TEKT5: variants seen among roughly 807,000 people sequenced by gnomAD.
The protein encoded by TEKT5 is tektin-5.
A neutral mutation model predicts 48.7 loss-of-function variants in TEKT5; 52 were observed. That is an observed-to-expected ratio of 1.07 (90% CI 0.86 to 1.35). The LOEUF (loss-of-function observed/expected upper bound fraction) is 1.35, where lower values mean the gene tolerates loss of function less well. Among genes scored for constraint, TEKT5 ranks in the 40% most tolerant of loss-of-function variants. TEKT5 has a pLI of 0.00. For synonymous variants in TEKT5, 318 were observed against 267.6 expected (o/e 1.19, Z -1.84); for missense variants, 831 against 641.6 (o/e 1.30, Z -3.19).
At position 10,682,067 on chromosome 16, in the gene TEKT5, A is replaced by G. The variant is rs1898764096; in HGVS notation, c.789T>C (p.Asp263=). ...LEDKSSAQCI[D]EKCFNLRNTS... ...TATTTCTCAGGTTAAAGCACTTCTC[A>G]TCGATACACTGGGCCGAGCTTTTGT... Residue 263 remains aspartate, a synonymous_variant, in exon 4 of 7, where the codon GAT becomes GAC. Coordinates refer to ENST00000283025, the MANE Select transcript of TEKT5 (RefSeq NM_144674.2). 1.2e-6 allele frequency: 2 copies of G among 1,614,046 alleles called. No individual in the cohort carries two copies. Among genetic ancestry groups the G allele is most frequent in the Non-Finnish European group, 8.5e-7 (1 of 1,180,028 alleles).
intron 5 of TEKT5, among the ~76,000 whole-genome samples, chr16:10,656,311 G>C (rs756400387): frequency 3.3e-5 from 5 of 152,162 alleles, no homozygotes; most frequent in African/African-American, 4.8e-5. Flanking sequence ...GAATGCAGTG[G>C]CGTGATGTCA....
chr16:10,640,010 TCC>T (rs1897968029), intron 5 of TEKT5, among the ~76,000 whole-genome samples: 1 of 151,938 alleles, frequency 6.6e-6, no homozygotes, highest in Admixed American at 6.6e-5. Flanking sequence ...CTCTTCCTCC[TCC>T]TCAGTCTTTC....
At chr16:10,644,457 C>A (rs1165407067) in intron 5 of TEKT5, among the ~76,000 whole-genome samples, 1 of 152,204 alleles carries the variant, frequency 6.6e-6, no homozygotes, top group African/African-American at 2.4e-5. Context: ...ACACTTACTG[C>A]ATCCAAATCT....
chr16:10,694,632 A>G lies in TEKT5; in HGVS notation c.242T>C (p.Leu81Pro). Reference protein sequence around the residue: ...TLRPPTILPTLRSALFSRYSP... With the variant: ...TLRPPTILPTPRSALFSRYSP... ...ATAGCGAGAGAAGAGTGCGGAGCGC[A>G]GTGTGGGCAGGATGGTGGGCGGCCG... The change falls in exon 1 of 7, where the codon CTG (leucine) becomes CCG (proline). Residue 81 changes from leucine to proline, a missense_variant. Transcript: ENST00000283025. 2 of 1,612,786 alleles carry G rather than the reference A, an allele frequency of 1.2e-6. No homozygotes were observed. Among genetic ancestry groups the G allele is most frequent in the Non-Finnish European group, 1.7e-6 (2 of 1,179,312 alleles).
intron 5 of TEKT5, among the ~76,000 whole-genome samples, chr16:10,659,137 A>C (rs564217049): frequency 3.5e-4 from 53 of 152,324 alleles, no homozygotes; most frequent in Non-Finnish European, 6.3e-4. Flanking sequence ...TGACAACCAC[A>C]TTGCGAAATA....
At chr16:10,637,641 A>G (rs1189132312) in intron 5 of TEKT5, among the ~76,000 whole-genome samples, 1 of 152,266 alleles carries the variant, frequency 6.6e-6, no homozygotes, top group Non-Finnish European at 1.5e-5. Context: ...CTTGATCTGA[A>G]GGTTTCACAG....
At chr16:10,665,014 G>C (rs187716226) in intron 5 of TEKT5, among the ~76,000 whole-genome samples, 2 of 152,188 alleles carry the variant, frequency 1.3e-5, no homozygotes, top group African/African-American at 4.8e-5. Context: ...CAGCCAGGAA[G>C]TGCTGGAGCC....
At chr16:10,657,988 G>T (rs1898291905) in intron 5 of TEKT5, among the ~76,000 whole-genome samples, 2 of 152,062 alleles carry the variant, frequency 1.3e-5, no homozygotes, top group South Asian at 4.1e-4. Flanking sequence ...TTTCAGTATA[G>T]TTACAGTTGT....
intron 5 of TEKT5, among the ~76,000 whole-genome samples, chr16:10,663,006 A>C (rs977167609): frequency 5.9e-5 from 9 of 152,188 alleles, no homozygotes; most frequent in African/African-American, 2.2e-4. Flanking sequence ...CACCCCCTGC[A>C]GAGGAGAAGC....
At chr16:10,662,293 T>C (rs2355220) in intron 5 of TEKT5, among the ~76,000 whole-genome samples, 14,533 of 152,264 alleles carry the variant, frequency 0.095, 721 homozygotes, top group Non-Finnish European at 0.1. Context: ...GTTTGAGAAC[T>C]GCTGCTTTAG....
chr16:10,675,842 G>T, intron 5 of TEKT5, 117 bp downstream of exon 5: 1 of 975,106 alleles, frequency 1.0e-6, no homozygotes, highest in Non-Finnish European at 1.6e-6. Context: ...CCTTGGGAGA[G>T]AGGGTACTGC....
At chr16:10,689,802 C>T in intron 2 of TEKT5, 140 bp downstream of exon 2, 1 of 757,902 alleles carries the variant, frequency 1.3e-6, no homozygotes, top group Non-Finnish European at 2.1e-6. Flanking sequence ...ACTAGACCTC[C>T]ACCCATGCTT....
intron 4 of TEKT5, among the ~76,000 whole-genome samples, chr16:10,681,125 G>A (rs1051579566): frequency 2.6e-5 from 4 of 151,232 alleles, no homozygotes; most frequent in Non-Finnish European, 5.9e-5. Flanking sequence ...CATAGCTGCT[G>A]TGACGAGAAA....
chr16:10,676,443 T>C (rs1898648395), intron 4 of TEKT5, among the ~76,000 whole-genome samples: 1 of 152,116 alleles, frequency 6.6e-6, no homozygotes, highest in Non-Finnish European at 1.5e-5. Flanking sequence ...TCGCCCCTTG[T>C]TGAGAACCAC....
At chr16:10,655,184 T>C (rs1223168268) in intron 5 of TEKT5, among the ~76,000 whole-genome samples, 5 of 152,094 alleles carry the variant, frequency 3.3e-5, no homozygotes, top group Non-Finnish European at 1.5e-5. Context: ...TACACACACA[T>C]GCTGAACGGG....
intron 5 of TEKT5, among the ~76,000 whole-genome samples, chr16:10,652,723 A>ACC (rs1555465697): frequency 9.6e-5 from 6 of 62,542 alleles, no homozygotes; most frequent in South Asian, 6.7e-4. Flanking sequence ...ACACACACAC[A>ACC]CCCTCCAGGC....
intron 5 of TEKT5, among the ~76,000 whole-genome samples, chr16:10,650,471 C>T (rs922986791): frequency 4.6e-5 from 7 of 152,128 alleles, no homozygotes; most frequent in Admixed American, 1.3e-4. Flanking sequence ...CTATCGATGA[C>T]TCACACCCAA....
At chr16:10,676,872 G>A (rs1032730494) in intron 4 of TEKT5, among the ~76,000 whole-genome samples, 2 of 152,314 alleles carry the variant, frequency 1.3e-5, no homozygotes, top group African/African-American at 2.4e-5. Context: ...GTTACACATT[G>A]TGTTATGTGC....
At chr16:10,643,205 A>G (rs989023841) in intron 5 of TEKT5, among the ~76,000 whole-genome samples, 9 of 151,354 alleles carry the variant, frequency 5.9e-5, no homozygotes, top group African/African-American at 1.9e-4. Flanking sequence ...ACACAGTGAG[A>G]CCCCATCTCT....
Sources: allele counts gnomAD v4.1 joint callset (sites outside exome capture counted in the v4.1 genomes callset), GRCh38; gene constraint gnomAD v4.1.1; transcripts MANE v1.5; gene names NCBI Gene and HGNC (gene_info 2026-07-23, HGNC 2026-07-21).